CSMD1: variants seen among roughly 807,000 people sequenced by gnomAD.
CSMD1 encodes CUB and sushi domain-containing protein 1.
CSMD1 carries 213 observed loss-of-function variants against 417.5 expected under a neutral mutation model. That is an observed-to-expected ratio of 0.51 (90% CI 0.46 to 0.57). CSMD1 has a LOEUF of 0.57. CSMD1 is among the 20% of genes least tolerant of loss of function. CSMD1 has a pLI of 0.00. For missense variants in CSMD1, 6,923 were observed against 4,529.7 expected (o/e 1.53, Z -15.17); for synonymous variants, 2,862 against 1,736.8 (o/e 1.65, Z -16.11).
intron 1 of CSMD1, among the ~76,000 whole-genome samples, chr8:4,797,562 G>C (rs1460886323): frequency 6.6e-6 from 1 of 152,048 alleles, no homozygotes; most frequent in Non-Finnish European, 1.5e-5. Context: ...GCAAAAATAA[G>C]TACAATATAA....
At chr8:4,002,214 TGTGA>T (rs543773852) in intron 4 of CSMD1, among the ~76,000 whole-genome samples, 4,765 of 151,862 alleles carry the variant, frequency 0.031, 102 homozygotes, top group Non-Finnish European at 0.048. Flanking sequence ...AGTGTGTGTG[TGTGA>T]GTGTGTGTGC....
chr8:3,049,307 C>G (rs1210194945), intron 50 of CSMD1, among the ~76,000 whole-genome samples: 3 of 152,116 alleles, frequency 2.0e-5, no homozygotes, highest in Non-Finnish European at 2.9e-5. Flanking sequence ...GCTTTATTCA[C>G]AATTGTAAAA....
intron 5 of CSMD1, among the ~76,000 whole-genome samples, chr8:3,811,273 G>C (rs1253713852): frequency 3.3e-5 from 5 of 152,168 alleles, no homozygotes; most frequent in African/African-American, 2.4e-5. Flanking sequence ...AATTACCAGA[G>C]ATAAGTTTAT....
intron 7 of CSMD1, among the ~76,000 whole-genome samples, chr8:3,688,987 C>G (rs770327210): frequency 1.3e-5 from 2 of 152,046 alleles, no homozygotes; most frequent in African/African-American, 2.4e-5. Flanking sequence ...ACTTCACTTT[C>G]GAGGCTCTGC....
At chr8:3,214,752 T>C in intron 29 of CSMD1, 61 bp from the exon 30 acceptor site, 1 of 1,384,642 alleles carries the variant, frequency 7.2e-7, no homozygotes, top group South Asian at 1.4e-5. Flanking sequence ...TTTGTGTTTT[T>C]GTTTGTTGGG....
chr8:3,684,668 G>A (rs12682249), intron 7 of CSMD1, among the ~76,000 whole-genome samples: 11,942 of 144,268 alleles, frequency 0.083, 529 homozygotes, highest in East Asian at 0.23. Flanking sequence ...CGCTATCTCC[G>A]CTCACTGCTA....
intron 6 of CSMD1, among the ~76,000 whole-genome samples, chr8:3,753,699 T>C (rs963260962): frequency 2.0e-5 from 3 of 152,208 alleles, no homozygotes; most frequent in Admixed American, 6.6e-5. Context: ...AACTTAGCAA[T>C]TGTTCCAGTG....
In CSMD1 at chr8:4,363,844, A is replaced by G. The variant is rs929359707; in HGVS notation, c.415+56109T>C. On this transcript the variant is annotated intron_variant, in intron 3 of 69. Transcript: ENST00000635120. ...GTTCTCACTTATTTGTGGGATCTGAAAATCAAAACAATAGAACTCATGGAC... is the reference window on the plus strand; with the variant it reads ...GTTCTCACTTATTTGTGGGATCTGAGAATCAAAACAATAGAACTCATGGAC... 3.3e-5 allele frequency among the ~76,000 whole-genome samples: 5 copies of G among 152,206 alleles called. No homozygotes were observed. In the East Asian group the frequency reaches 5.8e-4, roughly 18 times the overall value.
At chr8:3,994,984 G>T (rs1194962053) in intron 5 of CSMD1, among the ~76,000 whole-genome samples, 1 of 152,140 alleles carries the variant, frequency 6.6e-6, no homozygotes, top group African/African-American at 2.4e-5. Flanking sequence ...TCTGTGGAAT[G>T]ACCCTGTGCT....
chr8:4,012,543 A>C (rs1313928712), intron 4 of CSMD1, among the ~76,000 whole-genome samples: 1 of 152,084 alleles, frequency 6.6e-6, no homozygotes, highest in Non-Finnish European at 1.5e-5. Context: ...TGATCACAGC[A>C]CCTGGCAGGT....
intron 5 of CSMD1, among the ~76,000 whole-genome samples, chr8:3,839,286 AATTATATATACT>A (rs1371445486): frequency 1.0e-4 from 13 of 124,630 alleles, no homozygotes; most frequent in Non-Finnish European, 1.3e-4. Flanking sequence ...ATATAATATT[AATTATATATACT>A]ATTATATATA....
intron 26 of CSMD1, among the ~76,000 whole-genome samples, chr8:3,261,679 C>T (rs1451598123): frequency 6.6e-6 from 1 of 152,032 alleles, no homozygotes; most frequent in African/African-American, 2.4e-5. Context: ...AGGAATATGC[C>T]CTGGATTCAT....
At chr8:4,823,099 A>T (rs953123186) in intron 1 of CSMD1, among the ~76,000 whole-genome samples, 1 of 152,110 alleles carries the variant, frequency 6.6e-6, no homozygotes, top group African/African-American at 2.4e-5. Flanking sequence ...GTCTTGATAC[A>T]GCATGAATAT....
At position 3,538,437 on chromosome 8, in the gene CSMD1, C is replaced by T. The variant is rs532040865; in HGVS notation, c.1344+36508G>A. Among the ~76,000 whole-genome samples the T allele has an allele frequency of 3.8e-3, 584 of 152,138 alleles. 3 individuals are homozygous for T. Among genetic ancestry groups the T allele is most frequent in the Non-Finnish European group, 6.3e-3 (430 of 67,984 alleles). ...AAAATGGTGCACTTGAGATGCCTCA[C>T]CTGAGATGATGCACCTGAGATGCCT... On this transcript the variant is annotated intron_variant, in intron 10 of 69. Transcript: ENST00000635120.
chr8:4,735,912 A>G (rs1033884319), intron 1 of CSMD1, among the ~76,000 whole-genome samples: 8 of 152,174 alleles, frequency 5.3e-5, no homozygotes, highest in African/African-American at 1.7e-4. Flanking sequence ...TTTACTGATG[A>G]GCAGGTAATA....
chr8:4,212,355 T>A lies in CSMD1; in HGVS notation c.416-180256A>T, dbSNP rs1371630327. On this transcript the variant is annotated intron_variant, in intron 3 of 69. Coordinates refer to ENST00000635120, the MANE Select transcript of CSMD1 (RefSeq NM_033225.6). ...GTAACTTGAAGAAAATCCCACCAAT[T>A]AAAAGGCTTTACACATAGAGAATCT... 2.0e-5 allele frequency among the ~76,000 whole-genome samples: 3 copies of A among 152,002 alleles called. No individual in the cohort carries two copies. The East Asian group carries it at 5.8e-4, about 29-fold the overall frequency.
intron 3 of CSMD1, among the ~76,000 whole-genome samples, chr8:4,120,789 C>G (rs796405401): frequency 1.3e-5 from 2 of 152,282 alleles, no homozygotes; most frequent in South Asian, 2.1e-4. Context: ...ACTTTCCAAA[C>G]AAAAGACAGA....
chr8:4,514,673 CATAA>C (rs1295881258), intron 2 of CSMD1, among the ~76,000 whole-genome samples: 2 of 152,150 alleles, frequency 1.3e-5, no homozygotes, highest in Non-Finnish European at 2.9e-5. Context: ...ACCTCAACTA[CATAA>C]ATAGAGTACC....
At chr8:4,784,873 T>C (rs895808790) in intron 1 of CSMD1, among the ~76,000 whole-genome samples, 24 of 152,142 alleles carry the variant, frequency 1.6e-4, no homozygotes, top group Admixed American at 5.2e-4. Context: ...TTTGCTGAGG[T>C]CTATTCCAGC....
Sources: gnomAD v4.1 joint callset for allele counts (sites outside exome capture counted in the v4.1 genomes callset) on GRCh38, gnomAD v4.1.1 for gene constraint, MANE v1.5 for transcripts, NCBI Gene and HGNC (gene_info 2026-07-23, HGNC 2026-07-21) for gene names.